ECE1: variants seen among roughly 807,000 people sequenced by gnomAD.
ECE1 encodes the protein endothelin converting enzyme 1, also known as endothelin-converting enzyme 1.
A neutral mutation model predicts 98.6 loss-of-function variants in ECE1; 35 were observed. The observed-to-expected ratio is 0.35, with a 90% CI of 0.27 to 0.47. The LOEUF (loss-of-function observed/expected upper bound fraction) is 0.47. ECE1 is among the 20% of genes least tolerant of loss of function. The probability of loss-of-function intolerance (pLI) is 1.00; values close to 1 mark genes in which losing one functional copy is unlikely to be tolerated. For synonymous variants in ECE1, 394 were observed against 407.1 expected (o/e 0.97, Z 0.39); for missense variants, 814 against 1,025.3 (o/e 0.79, Z 2.81).
At chr1:21,275,843 C>T (rs1268781311) in intron 3 of ECE1, among the ~76,000 whole-genome samples, 1 of 152,026 alleles carries the variant, frequency 6.6e-6, no homozygotes, top group East Asian at 1.9e-4. Flanking sequence ...TCATCGACCC[C>T]CTTCCCTCTC....
In ECE1 at chr1:21,272,758, C is replaced by T. The variant is rs758133161; in HGVS notation, c.434G>A (p.Arg145His). 3.7e-6 allele frequency: 6 copies of T among 1,614,250 alleles called. No homozygotes were observed. Among genetic ancestry groups the T allele is most frequent in the Admixed American group, 1.7e-5 (1 of 60,030 alleles). ...CCAGAGGTTGCTGAAGGTCCCCCAG[C>T]GTGAGTGGCCATCAGGGACTGGGTT... ...KANPVPDGHS[R>H]WGTFSNLWEH... is the part of the protein sequence containing the mutation. The change falls in exon 4 of 19, where the codon CGC (arginine) becomes CAC (histidine). Residue 145 changes from arginine to histidine, a missense_variant. Physicochemically the swap from Arg to His is conservative, Grantham distance 29. Coordinates refer to ENST00000374893, the MANE Select transcript of ECE1 (RefSeq NM_001397.3).
At chr1:21,336,843 G>C (rs1271091322) in intron 1 of ECE1, among the ~76,000 whole-genome samples, 2 of 151,808 alleles carry the variant, frequency 1.3e-5, no homozygotes, top group Non-Finnish European at 2.9e-5. Context: ...ACTCCAGTGT[G>C]GGGGACAAAG....
rs868684230 is a variant in ECE1 at position 21,220,044 on chromosome 1, A to G, written c.2224T>C (p.Ser742Pro). ...HSPSRFRVIG[S>P]LSNSKEFSEH... ...GAGAACTCCTTGGAATTGGAGAGGG[A>G]GCCGATGACCCGGAAGCGAGAGGGG... Residue 742 changes from serine (S) to proline (P), a missense_variant, in exon 19 of 19, where the codon TCC (serine) becomes CCC (proline). This residue lies in a region of ECE1 where 452 missense variants were observed against 567.3 expected (regional missense o/e 0.80). Coordinates refer to ENST00000374893, the MANE Select transcript of ECE1 (RefSeq NM_001397.3). This position sits in a 1 kb window ranked among gnomAD's most constrained non-coding sequence, Gnocchi z 5.0. 6.2e-7 allele frequency: 1 copy of G among 1,614,170 alleles called. No homozygotes were observed. Among genetic ancestry groups the G allele is most frequent in the African/African-American group, 1.3e-5 (1 of 75,036 alleles).
chr1:21,296,836 T>G (rs1638366846), intron 1 of ECE1, among the ~76,000 whole-genome samples: 1 of 152,004 alleles, frequency 6.6e-6, no homozygotes, highest in Non-Finnish European at 1.5e-5. Context: ...ATCTGGGATG[T>G]GGGAAATAGG....
chr1:21,240,911 T>C (rs1045531510), intron 10 of ECE1, among the ~76,000 whole-genome samples: 4 of 152,272 alleles, frequency 2.6e-5, no homozygotes, highest in African/African-American at 4.8e-5. Flanking sequence ...CTTTCATTCA[T>C]TTACGCATCC....
In ECE1 at chr1:21,238,260, C is replaced by A; in HGVS notation, c.1279-16G>T. 6.2e-7 allele frequency: 1 copy of A among 1,605,100 alleles called. No individual in the cohort carries two copies. Among genetic ancestry groups the A allele is most frequent in the South Asian group, 1.1e-5 (1 of 90,488 alleles). ...GAAGACAGGTCTGGAAAACACAAGT[C>A]AGGGGGCTCGCTGGGCCCCAGCCCT... On this transcript the variant is annotated splice_polypyrimidine_tract_variant and intron_variant, in intron 10 of 18. Transcript: ENST00000374893.
rs754461744 is a variant in ECE1 at position 21,260,287 on chromosome 1, A to G, written c.599T>C (p.Met200Thr). 4 of 1,614,222 alleles carry G rather than the reference A, an allele frequency of 2.5e-6. No individual in the cohort carries two copies. Among genetic ancestry groups the G allele is most frequent in the Non-Finnish European group, 3.4e-6 (4 of 1,180,030 alleles). The change falls in exon 5 of 19, where the codon ATG (methionine) becomes ACG (threonine). Residue 200 changes from methionine to threonine, a missense_variant. This residue lies in a region of ECE1 where 257 missense variants were observed against 278.9 expected (regional missense o/e 0.92). Coordinates refer to ENST00000374893, the MANE Select transcript of ECE1 (RefSeq NM_001397.3). The surrounding 1 kb of genome is among the most constrained non-coding windows in gnomAD (Gnocchi z 4.3). ...RIEELRAKPL[M>T]ELIERLGGWN... ...GGCACTCACCCTCTCAATCAACTCC[A>G]TTAGAGGTTTGGCCCTGAGCTCCTC... is the stretch of plus-strand genomic sequence containing the variant.
At chr1:21,288,498 G>A (rs558859063) in intron 2 of ECE1, among the ~76,000 whole-genome samples, 10 of 152,286 alleles carry the variant, frequency 6.6e-5, no homozygotes, top group African/African-American at 2.4e-4. Context: ...CTGCTTGGCC[G>A]GGGGCCCTCC....
chr1:21,227,326 G>A (rs2098175651), intron 15 of ECE1, 100 bp from the exon 16 acceptor site: 3 of 1,214,500 alleles, frequency 2.5e-6, no homozygotes, highest in Non-Finnish European at 3.7e-6. Flanking sequence ...TAGAGATATA[G>A]CAAAATTCCA....
chr1:21,258,936 G>T lies in ECE1; in HGVS notation c.616-97C>A. On this transcript the variant is annotated intron_variant, in intron 5 of 18. Coordinates refer to ENST00000374893, the MANE Select transcript of ECE1 (RefSeq NM_001397.3). The surrounding 1 kb of genome is among the most constrained non-coding windows in gnomAD (Gnocchi z 4.2). Reference sequence around the variant, plus strand: ...CGCTGACTTGCTCTGTGACCCTGGAGCAGTCGCCTGACCTCTCTGAGCCTC... The same window carrying T: ...CGCTGACTTGCTCTGTGACCCTGGATCAGTCGCCTGACCTCTCTGAGCCTC... The T allele has an allele frequency of 6.6e-7, 1 of 1,520,534 alleles. No homozygotes were observed. Among genetic ancestry groups the T allele is most frequent in the Non-Finnish European group, 8.9e-7 (1 of 1,118,184 alleles). The allele number at this position is 1,520,534 out of a possible 1,614,324, so 94.2% of individuals were successfully genotyped here.
intron 1 of ECE1, chr1:21,298,598 G>C (rs773801007): frequency 2.9e-5 from 11 of 381,644 alleles, no homozygotes; most frequent in Non-Finnish European, 5.8e-5. Flanking sequence ...GGGAAGGAAC[G>C]ACCAGAGAAG....
chr1:21,282,757 A>G (rs1043362696), intron 2 of ECE1, among the ~76,000 whole-genome samples: 4 of 152,046 alleles, frequency 2.6e-5, no homozygotes, highest in African/African-American at 9.7e-5. Context: ...AGCTAAGAGC[A>G]AGGAGCAAAG....
At chr1:21,278,846 G>T (rs955195562) in intron 3 of ECE1, among the ~76,000 whole-genome samples, 8 of 152,272 alleles carry the variant, frequency 5.3e-5, no homozygotes, top group African/African-American at 1.9e-4. Flanking sequence ...ACCAGCTATG[G>T]GACATATGTT....
chr1:21,273,117 C>T (rs890743482), intron 3 of ECE1, among the ~76,000 whole-genome samples: 4 of 152,254 alleles, frequency 2.6e-5, no homozygotes, highest in Non-Finnish European at 4.4e-5. Flanking sequence ...AAAATCCTTC[C>T]TGTGGCTAAA....
At chr1:21,300,570 G>A (rs1638461502) in intron 1 of ECE1, among the ~76,000 whole-genome samples, 1 of 152,050 alleles carries the variant, frequency 6.6e-6, no homozygotes, top group South Asian at 2.1e-4. Context: ...AAGTAGCTGG[G>A]ACCACAGACA....
At chr1:21,246,145 A>C (rs184722325) in intron 9 of ECE1, among the ~76,000 whole-genome samples, 2 of 152,282 alleles carry the variant, frequency 1.3e-5, no homozygotes, top group East Asian at 3.9e-4. Flanking sequence ...GGAAAAAAAT[A>C]AGTTAAATAC....
chr1:21,242,392 G>A (rs1015331477), intron 10 of ECE1, among the ~76,000 whole-genome samples: 2 of 152,196 alleles, frequency 1.3e-5, no homozygotes, highest in African/African-American at 4.8e-5. Context: ...CAAAAGTCCT[G>A]TGAGGTGAGG....
chr1:21,234,523 C>T (rs547651154), intron 13 of ECE1, among the ~76,000 whole-genome samples: 90 of 151,780 alleles, frequency 5.9e-4, no homozygotes, highest in African/African-American at 1.9e-3. Flanking sequence ...CTGTCGCCCA[C>T]GCTGGAGTGC....
intron 1 of ECE1, among the ~76,000 whole-genome samples, chr1:21,336,794 G>A (rs1307408834): frequency 6.6e-6 from 1 of 152,210 alleles, no homozygotes; most frequent in African/African-American, 2.4e-5. Flanking sequence ...AGTGAGCCGA[G>A]ATCGCGCCAC....
Sources: allele counts gnomAD v4.1 joint callset (sites outside exome capture counted in the v4.1 genomes callset), GRCh38; gene constraint gnomAD v4.1.1; regional missense constraint gnomAD v4.1.1; non-coding constraint Gnocchi (gnomAD v3.1); transcripts MANE v1.5; gene names NCBI Gene and HGNC (gene_info 2026-07-23, HGNC 2026-07-21).